TTC39C: variants seen among roughly 807,000 people sequenced by gnomAD.
TTC39C encodes tetratricopeptide repeat domain 39C.
A neutral mutation model predicts 76.3 loss-of-function variants in TTC39C; 33 were observed. That is an observed-to-expected ratio of 0.43 (90% CI 0.33 to 0.58). The LOEUF (loss-of-function observed/expected upper bound fraction) is 0.58. TTC39C is among the 20% of genes least tolerant of loss of function. TTC39C has a pLI of 0.04. For synonymous variants in TTC39C, 254 were observed against 260.6 expected (o/e 0.97, Z 0.24); for missense variants, 595 against 701.4 (o/e 0.85, Z 1.71).
chr18:24,077,410 G>A (rs1487434), intron 4 of TTC39C, among the ~76,000 whole-genome samples: 149,902 of 152,378 alleles, frequency 0.98, 73,771 homozygotes, highest in Middle Eastern at 1. Context: ...AAACTATTTA[G>A]TGACAGAAAA....
At position 24,083,007 on chromosome 18, in the gene TTC39C, C is replaced by A. The variant is rs376352864; in HGVS notation, c.910C>A (p.Leu304Ile). Residue 304 changes from leucine (L) to isoleucine (I), a missense_variant, in exon 6 of 14, where the codon CTC (leucine) becomes ATC (isoleucine). Physicochemically the swap from Leu to Ile is conservative, Grantham distance 5. Coordinates refer to ENST00000317571, the MANE Select transcript of TTC39C (RefSeq NM_001135993.2). ...AGGCCTGGATGAAGCTAAGGAAATT[C>A]TCCTTAAAAAAGAAGCTGCTTATCC... ...KAGLDEAKEI[L>I]LKKEAAYPNS... 9.3e-6 allele frequency: 15 copies of A among 1,613,974 alleles called. No individual in the cohort carries two copies. Among genetic ancestry groups the A allele is most frequent in the Non-Finnish European group, 1.3e-5 (15 of 1,179,968 alleles).
Position 24,014,802 on chromosome 18 carries a change from C to G in TTC39C, c.-70C>G. ...GGCTCCGGGCAGGTAGAGCCGGGCTCCGGGCGCGCGCGGGGCCGCAGCAGC... is the reference window on the plus strand; with the variant it reads ...GGCTCCGGGCAGGTAGAGCCGGGCTGCGGGCGCGCGCGGGGCCGCAGCAGC... On this transcript the variant is annotated 5_prime_UTR_variant, in exon 1 of 14. Coordinates refer to ENST00000317571, the MANE Select transcript of TTC39C (RefSeq NM_001135993.2). The G allele has an allele frequency of 2.5e-6, 3 of 1,193,276 alleles. No individual in the cohort carries two copies. Among genetic ancestry groups the G allele is most frequent in the Non-Finnish European group, 3.1e-6 (3 of 958,338 alleles). The allele number at this position is 1,193,276 out of a possible 1,614,324, so 73.9% of individuals were successfully genotyped here. A position where few individuals can be genotyped will look rare whatever the true frequency, so the allele number is the denominator to read the frequency against.
intron 4 of TTC39C, among the ~76,000 whole-genome samples, chr18:24,076,305 C>T (rs772387805): frequency 6.6e-6 from 1 of 152,164 alleles, no homozygotes; most frequent in African/African-American, 2.4e-5. Context: ...CTGCTGTCTC[C>T]ACCTCCCTCC....
At chr18:24,118,085 A>G (rs1338142767) in intron 7 of TTC39C, 40 bp from the exon 8 acceptor site, 2 of 1,554,996 alleles carry the variant, frequency 1.3e-6, no homozygotes, top group Non-Finnish European at 1.8e-6. Flanking sequence ...CATAGAGCTC[A>G]GTACTTTAGG....
chr18:24,033,783 AGTCT>A (rs1207333547), intron 1 of TTC39C, among the ~76,000 whole-genome samples: 2 of 152,204 alleles, frequency 1.3e-5, no homozygotes, highest in African/African-American at 2.4e-5. Flanking sequence ...CTTCTTTCAG[AGTCT>A]GTCTGTGACT....
intron 1 of TTC39C, among the ~76,000 whole-genome samples, chr18:23,993,771 A>G (rs1257748063): frequency 6.6e-6 from 1 of 152,230 alleles, no homozygotes; most frequent in African/African-American, 2.4e-5. Flanking sequence ...CTGAAAATCT[A>G]TGAAAAAAAT....
At chr18:24,072,189 G>A (rs111392573) in intron 4 of TTC39C, among the ~76,000 whole-genome samples, 129 of 151,736 alleles carry the variant, frequency 8.5e-4, no homozygotes, top group African/African-American at 3.1e-3. Context: ...TGTTATGGGT[G>A]GCCCTCCCCA....
At chr18:24,006,241 G>A (rs534656403) in intron 1 of TTC39C, 1 of 152,226 alleles carries the variant, frequency 6.6e-6, no homozygotes, top group Admixed American at 6.5e-5. Context: ...TCAAACTCCT[G>A]AGCTCAAGTG....
chr18:24,046,105 A>AT (rs1232180359), intron 1 of TTC39C, among the ~76,000 whole-genome samples: 1 of 150,672 alleles, frequency 6.6e-6, no homozygotes, highest in South Asian at 2.1e-4. Context: ...CACCCAGCTA[A>AT]TTTTTTGTAT....
chr18:24,088,263 A>C (rs762854279), intron 6 of TTC39C, among the ~76,000 whole-genome samples: 5 of 152,242 alleles, frequency 3.3e-5, no homozygotes, highest in Non-Finnish European at 5.9e-5. Flanking sequence ...AATTTAATTG[A>C]AGTAAAAAAG....
At chr18:24,082,777 AT>A in intron 5 of TTC39C, 135 bp from the exon 6 acceptor site, 1 of 883,698 alleles carries the variant, frequency 1.1e-6, no homozygotes, top group Non-Finnish European at 1.6e-6. Context: ...AAAGTCTCTG[AT>A]TTTACTTCTT....
chr18:24,070,436 A>G (rs1434615361), intron 4 of TTC39C, among the ~76,000 whole-genome samples: 2 of 152,240 alleles, frequency 1.3e-5, no homozygotes, highest in Middle Eastern at 3.2e-3. Context: ...TGACTCAGAT[A>G]TAAAAGAGTA....
chr18:24,060,071 A>G (rs1251709383), intron 1 of TTC39C, among the ~76,000 whole-genome samples: 2 of 152,168 alleles, frequency 1.3e-5, no homozygotes, highest in Non-Finnish European at 2.9e-5. Context: ...CTACAATTCA[A>G]GGTGAGATTT....
At chr18:24,111,383 A>G (rs2084807486) in intron 6 of TTC39C, among the ~76,000 whole-genome samples, 1 of 151,960 alleles carries the variant, frequency 6.6e-6, no homozygotes, top group Admixed American at 6.6e-5. Flanking sequence ...AGCCTGGTCA[A>G]TATGGTGAAA....
intron 6 of TTC39C, among the ~76,000 whole-genome samples, chr18:24,109,705 A>G (rs2084788223): frequency 6.6e-6 from 1 of 152,172 alleles, no homozygotes; most frequent in Admixed American, 6.6e-5. Flanking sequence ...TGCATTCCCA[A>G]TATAGAAATT....
intron 1 of TTC39C, among the ~76,000 whole-genome samples, chr18:24,045,479 T>C (rs1050888552): frequency 2.6e-5 from 4 of 152,088 alleles, no homozygotes; most frequent in Non-Finnish European, 4.4e-5. Flanking sequence ...CTGTAATAAA[T>C]ACCCAAAATA....
chr18:24,053,901 G>T (rs113533671), intron 1 of TTC39C, among the ~76,000 whole-genome samples: 4,035 of 152,184 alleles, frequency 0.027, 83 homozygotes, highest in Middle Eastern at 0.075. Flanking sequence ...TTGGCACAGT[G>T]GGGGAGGAGT....
intron 1 of TTC39C, chr18:24,020,432 C>T (rs1157502216): frequency 4.3e-6 from 2 of 460,276 alleles, no homozygotes; most frequent in African/African-American, 2.1e-5. Flanking sequence ...TGTACAAATA[C>T]ACAATGCGAA....
chr18:24,050,156 C>T (rs1189845867), intron 1 of TTC39C, among the ~76,000 whole-genome samples: 1 of 152,222 alleles, frequency 6.6e-6, no homozygotes, highest in Non-Finnish European at 1.5e-5. Context: ...ATCCCCTGTC[C>T]TGTTCACCAT....
Sources: gnomAD v4.1 joint callset for allele counts (sites outside exome capture counted in the v4.1 genomes callset) on GRCh38, gnomAD v4.1.1 for gene constraint, MANE v1.5 for transcripts, NCBI Gene and HGNC (gene_info 2026-07-23, HGNC 2026-07-21) for gene names.